MAF: variants seen among roughly 807,000 people sequenced by gnomAD.
The protein encoded by MAF is transcription factor Maf.
In MAF, 10 loss-of-function variants were observed where a neutral mutation model predicts 22.0. That is an observed-to-expected ratio of 0.45 (90% confidence interval 0.28 to 0.77). The LOEUF (loss-of-function observed/expected upper bound fraction) is 0.77. Among genes scored for constraint, MAF ranks in the 30% least tolerant of loss-of-function variants. MAF has a pLI of 0.12. For missense variants in MAF, 544 were observed against 548.4 expected (o/e 0.99, Z 0.08); for synonymous variants, 337 against 255.8 (o/e 1.32, Z -3.03).
chr16:79,431,859 G>C, the MAF span, among the ~76,000 whole-genome samples: 5 of 152,168 alleles, frequency 3.3e-5, no homozygotes, highest in African/African-American at 1.2e-4. Flanking sequence ...GCAGGACTTT[G>C]TTTCCTTAGC....
the MAF span, among the ~76,000 whole-genome samples, chr16:79,313,136 C>T: frequency 2.0e-5 from 3 of 152,196 alleles, no homozygotes; most frequent in East Asian, 3.9e-4. Flanking sequence ...AAGCGTGCCA[C>T]GAAGATCGAA....
chr16:79,264,133 G>A, the MAF span, among the ~76,000 whole-genome samples: 1 of 152,268 alleles, frequency 6.6e-6, no homozygotes, highest in Non-Finnish European at 1.5e-5. Context: ...ATAGGAAGTG[G>A]AAGCTTTGAG....
chr16:79,350,900 T>C, the MAF span, among the ~76,000 whole-genome samples: 107 of 145,622 alleles, frequency 7.3e-4, no homozygotes, highest in East Asian at 0.021. Flanking sequence ...TGTGTGTGTG[T>C]GTGCGTGTGA....
the MAF span, chr16:79,212,035 G>A: frequency 3.3e-6 from 5 of 1,536,092 alleles, no homozygotes; most frequent in Non-Finnish European, 2.6e-6. Context: ...TTCTGGTGGT[G>A]GCCTGTTTGA....
At chr16:79,370,979 C>A in the MAF span, among the ~76,000 whole-genome samples, 1 of 152,220 alleles carries the variant, frequency 6.6e-6, no homozygotes, top group South Asian at 2.1e-4. Context: ...AAAAGAACCA[C>A]CATTTTATTG....
At chr16:79,300,554 A>AAAACAAAC in the MAF span, among the ~76,000 whole-genome samples, 388 of 151,242 alleles carry the variant, frequency 2.6e-3, 1 homozygote, top group African/African-American at 8.8e-3. Context: ...ACTCCATCTC[A>AAAACAAAC]AAACAAACAA....
chr16:79,298,162 C>T, the MAF span, among the ~76,000 whole-genome samples: 1 of 152,212 alleles, frequency 6.6e-6, no homozygotes, highest in South Asian at 2.1e-4. Context: ...CTTGAGAAGC[C>T]CTGTGTTTGC....
the MAF span, among the ~76,000 whole-genome samples, chr16:79,250,085 A>G: frequency 3.9e-5 from 6 of 152,176 alleles, no homozygotes; most frequent in African/African-American, 1.2e-4. Flanking sequence ...TATGACTGCT[A>G]TGTTGTTGCC....
the MAF span, among the ~76,000 whole-genome samples, chr16:79,574,250 G>C: frequency 6.6e-6 from 1 of 152,168 alleles, no homozygotes; most frequent in African/African-American, 2.4e-5. Context: ...AAGTATCTTG[G>C]TTAATTCCAG....
the MAF span, among the ~76,000 whole-genome samples, chr16:79,420,707 G>A: frequency 3.9e-5 from 6 of 152,150 alleles, no homozygotes; most frequent in East Asian, 5.8e-4. Flanking sequence ...GGTGAACCGC[G>A]GCCCACAAAT....
the MAF span, among the ~76,000 whole-genome samples, chr16:79,316,747 T>C: frequency 6.6e-6 from 1 of 152,074 alleles, no homozygotes; most frequent in South Asian, 2.1e-4. Context: ...AGAGTTCCCC[T>C]GGAGATAGGG....
the MAF span, among the ~76,000 whole-genome samples, chr16:79,418,042 A>G: frequency 2.6e-5 from 4 of 152,108 alleles, no homozygotes; most frequent in South Asian, 2.1e-4. Flanking sequence ...TTGTTGAACT[A>G]AAAAAGAAAA....
the MAF span, among the ~76,000 whole-genome samples, chr16:79,448,298 C>A: frequency 6.6e-6 from 1 of 151,920 alleles, no homozygotes; most frequent in Middle Eastern, 3.2e-3. Flanking sequence ...TATGATAAGT[C>A]AGCAGCCATC....
At chr16:79,491,054 T>G in the MAF span, among the ~76,000 whole-genome samples, 1 of 152,000 alleles carries the variant, frequency 6.6e-6, no homozygotes, top group African/African-American at 2.4e-5. Flanking sequence ...AAGTCACAGA[T>G]AGTCTGAATT....
chr16:79,575,668 G>A, the MAF span, among the ~76,000 whole-genome samples: 1 of 152,166 alleles, frequency 6.6e-6, no homozygotes, highest in Non-Finnish European at 1.5e-5. Flanking sequence ...AAGCAGATGT[G>A]CAAAAAGAGA....
the MAF span, among the ~76,000 whole-genome samples, chr16:79,410,812 T>G: frequency 3.2e-4 from 49 of 152,138 alleles, no homozygotes; most frequent in African/African-American, 1.1e-3. Flanking sequence ...AGATGGCAGA[T>G]GACTTGTAGG....
At chr16:79,282,138 T>TA in the MAF span, among the ~76,000 whole-genome samples, 33 of 152,064 alleles carry the variant, frequency 2.2e-4, no homozygotes, top group African/African-American at 7.0e-4. Context: ...CCGTCTCTAC[T>TA]AAAAATACAA....
the MAF span, among the ~76,000 whole-genome samples, chr16:79,544,491 G>C: frequency 6.6e-6 from 1 of 151,808 alleles, no homozygotes; most frequent in Non-Finnish European, 1.5e-5. Context: ...AATGTAAATA[G>C]CAGCCGGGCA....
the MAF span, among the ~76,000 whole-genome samples, chr16:79,453,591 C>T: frequency 1.3e-5 from 2 of 152,136 alleles, no homozygotes; most frequent in South Asian, 2.1e-4. Flanking sequence ...TGGGAAAGGT[C>T]GGCTTTATTA....
Sources: allele counts gnomAD v4.1 joint callset (sites outside exome capture counted in the v4.1 genomes callset), GRCh38; gene constraint gnomAD v4.1.1; transcripts MANE v1.5; gene names NCBI Gene and HGNC (gene_info 2026-07-23, HGNC 2026-07-21).